Variants in FAM107B observed in about 807,000 individuals in gnomAD.
The protein encoded by FAM107B is family with sequence similarity 107 member B.
FAM107B carries 21 observed loss-of-function variants against 31.5 expected under a neutral mutation model. That is an observed-to-expected ratio of 0.67 (90% confidence interval 0.47 to 0.96). FAM107B has a LOEUF of 0.96. Among genes scored for constraint, FAM107B ranks in the 40% least tolerant of loss-of-function variants. The pLI is 0.00. For synonymous variants in FAM107B, 157 were observed against 141.5 expected (o/e 1.11, Z -0.78); for missense variants, 452 against 377.1 (o/e 1.20, Z -1.64).
At chr10:14,707,175 C>T (rs1029371223) in intron 1 of FAM107B, among the ~76,000 whole-genome samples, 13 of 151,628 alleles carry the variant, frequency 8.6e-5, no homozygotes, top group African/African-American at 2.7e-4. Flanking sequence ...CAAAACAAAA[C>T]AAAAAAATGG....
chr10:14,651,697 T>C (rs10400206), intron 2 of FAM107B, among the ~76,000 whole-genome samples: 7,937 of 152,288 alleles, frequency 0.052, 250 homozygotes, highest in South Asian at 0.076. Context: ...AGGTACTTAA[T>C]GACTTCCTTG....
intron 1 of FAM107B, among the ~76,000 whole-genome samples, chr10:14,686,823 G>T (rs1365192499): frequency 6.6e-6 from 1 of 152,238 alleles, no homozygotes; most frequent in African/African-American, 2.4e-5. Flanking sequence ...ACAAATTGAA[G>T]AGAGAGGGGC....
chr10:14,590,932 T>C (rs1300479199), intron 2 of FAM107B, among the ~76,000 whole-genome samples: 3 of 135,470 alleles, frequency 2.2e-5, no homozygotes, highest in Non-Finnish European at 3.0e-5. Context: ...GAGGTTGCAG[T>C]GAGCCGAGAT....
At chr10:14,726,524 C>A (rs1856040271) in intron 1 of FAM107B, among the ~76,000 whole-genome samples, 1 of 152,118 alleles carries the variant, frequency 6.6e-6, no homozygotes, top group Non-Finnish European at 1.5e-5. Flanking sequence ...TCAGGTTCCC[C>A]AAGGCTAAAT....
chr10:14,557,055 A>G (rs1389705520), intron 2 of FAM107B, among the ~76,000 whole-genome samples: 1 of 151,698 alleles, frequency 6.6e-6, no homozygotes, highest in Non-Finnish European at 1.5e-5. Context: ...CCCCCTTCCC[A>G]CACTTCTCCT....
chr10:14,687,239 C>G (rs1855012429), intron 1 of FAM107B, among the ~76,000 whole-genome samples: 1 of 152,192 alleles, frequency 6.6e-6, no homozygotes, highest in Non-Finnish European at 1.5e-5. Flanking sequence ...ATGAACCTGA[C>G]CAAATCCACA....
chr10:14,621,545 A>G (rs183733502), intron 2 of FAM107B, among the ~76,000 whole-genome samples: 97 of 152,380 alleles, frequency 6.4e-4, no homozygotes, highest in African/African-American at 2.2e-3. Flanking sequence ...ATTTGATTAA[A>G]GAGTGAAGAC....
At chr10:14,627,049 T>A (rs929026888) in intron 2 of FAM107B, among the ~76,000 whole-genome samples, 2 of 152,190 alleles carry the variant, frequency 1.3e-5, no homozygotes, top group Non-Finnish European at 2.9e-5. Context: ...TAATTAGATA[T>A]GACCATAACC....
At chr10:14,578,505 A>C (rs953493630) in intron 2 of FAM107B, among the ~76,000 whole-genome samples, 1 of 152,150 alleles carries the variant, frequency 6.6e-6, no homozygotes, top group Non-Finnish European at 1.5e-5. Flanking sequence ...TCACTGGGGA[A>C]AAAAAAGAGA....
intron 2 of FAM107B, among the ~76,000 whole-genome samples, chr10:14,561,751 A>T (rs1349274399): frequency 6.6e-6 from 1 of 152,204 alleles, no homozygotes; most frequent in Admixed American, 6.5e-5. Flanking sequence ...ACAATAAAAG[A>T]GAATAAACCA....
chr10:14,613,095 G>A (rs768208249), intron 2 of FAM107B, among the ~76,000 whole-genome samples: 1 of 152,036 alleles, frequency 6.6e-6, no homozygotes, highest in African/African-American at 2.4e-5. Flanking sequence ...CCTCAGCCCC[G>A]CGAGCAGCTA....
chr10:14,574,590 A>G (rs1367027686), intron 2 of FAM107B, among the ~76,000 whole-genome samples: 2 of 152,224 alleles, frequency 1.3e-5, no homozygotes, highest in Non-Finnish European at 2.9e-5. Flanking sequence ...TTTTTATCCA[A>G]TGGACCACAA....
chr10:14,677,613 T>G (rs1430157638), intron 1 of FAM107B, among the ~76,000 whole-genome samples: 1 of 151,280 alleles, frequency 6.6e-6, no homozygotes, highest in Non-Finnish European at 1.5e-5. Flanking sequence ...AGAGCGAGAC[T>G]CCGTCTCAAA....
At chr10:14,688,391 T>C (rs1038873123) in intron 1 of FAM107B, among the ~76,000 whole-genome samples, 7 of 152,176 alleles carry the variant, frequency 4.6e-5, no homozygotes, top group African/African-American at 1.2e-4. Flanking sequence ...CTACCTTTCA[T>C]GTATACATCT....
chr10:14,572,246 C>G, intron 2 of FAM107B: 1 of 985,448 alleles, frequency 1.0e-6, no homozygotes, highest in Non-Finnish European at 1.2e-6. Flanking sequence ...ACCAAGAGAA[C>G]GTGCTGGCAG....
intron 3 of FAM107B, among the ~76,000 whole-genome samples, chr10:14,529,074 G>A (rs747184507): frequency 1.3e-5 from 2 of 152,154 alleles, no homozygotes; most frequent in African/African-American, 2.4e-5. Context: ...ATTCTATTTC[G>A]GAGCCTACTA....
intron 1 of FAM107B, among the ~76,000 whole-genome samples, chr10:14,716,296 C>T (rs1855777579): frequency 6.6e-6 from 1 of 152,188 alleles, no homozygotes; most frequent in Admixed American, 6.5e-5. Flanking sequence ...TTGGCCAGGA[C>T]CATGGTCATC....
At chr10:14,692,076 G>A (rs2131510795) in intron 1 of FAM107B, among the ~76,000 whole-genome samples, 1 of 152,106 alleles carries the variant, frequency 6.6e-6, no homozygotes, top group East Asian at 1.9e-4. Flanking sequence ...GGAGGCAAGT[G>A]CTATCCTGCA....
chr10:14,632,836 G>GGGGT (rs1853402523), intron 2 of FAM107B, among the ~76,000 whole-genome samples: 1 of 152,056 alleles, frequency 6.6e-6, no homozygotes, highest in East Asian at 1.9e-4. Context: ...GGCAAGAAAT[G>GGGGT]CCAGCTAGGG....
Sources: allele counts gnomAD v4.1 joint callset (sites outside exome capture counted in the v4.1 genomes callset), GRCh38; gene constraint gnomAD v4.1.1; transcripts MANE v1.5; gene names NCBI Gene and HGNC (gene_info 2026-07-23, HGNC 2026-07-21).